The following RNF19A variants were observed in gnomAD, a reference collection of about 807,000 sequenced individuals.
The protein encoded by RNF19A is ring finger protein 19A, RBR E3 ubiquitin protein ligase.
In RNF19A, 32 loss-of-function variants were observed where a neutral mutation model predicts 75.7. That is an observed-to-expected ratio of 0.42 (90% CI 0.32 to 0.57). The LOEUF (loss-of-function observed/expected upper bound fraction) is 0.57, where lower values mean the gene tolerates loss of function less well. RNF19A is among the 20% of genes least tolerant of loss of function. The pLI is 0.10. For missense variants in RNF19A, 782 were observed against 1,036.3 expected (o/e 0.75, Z 3.37); for synonymous variants, 335 against 345.2 (o/e 0.97, Z 0.33).
At chr8:100,294,703 G>A (rs181135760) in intron 1 of RNF19A, among the ~76,000 whole-genome samples, 16 of 152,170 alleles carry the variant, frequency 1.1e-4, no homozygotes, top group Admixed American at 1.0e-3. Flanking sequence ...AAAACATCTT[G>A]CAGTTTTCCA....
intron 1 of RNF19A, among the ~76,000 whole-genome samples, chr8:100,316,954 C>T (rs1362017218): frequency 2.0e-5 from 3 of 152,332 alleles, no homozygotes; most frequent in Admixed American, 2.0e-4. Context: ...AGAAATCGAG[C>T]GCAGCGCCGG....
chr8:100,264,060 T>C lies in RNF19A; in HGVS notation c.1442A>G (p.Asn481Ser). Residue 481 changes from asparagine to serine, a missense_variant, in exon 7 of 10, where the codon AAT (asparagine) becomes AGT (serine). Transcript: ENST00000341084. This position sits in a 1 kb window ranked among gnomAD's most constrained non-coding sequence, Gnocchi z 4.7. ...RIEFDDENDI[N>S]VGGTNTAVDT... ...TACAGCTGTGTTAGTTCCACCAACA[T>C]TTATATCATTTTCATCATCAAATTC... 6.2e-7 allele frequency: 1 copy of C among 1,613,744 alleles called. No individual in the cohort carries two copies. The highest frequency in any genetic ancestry group is 1.3e-5 in the African/African-American group (1 of 75,036).
rs761419050 is a variant in RNF19A at position 100,274,988 on chromosome 8, G to A, written c.848C>T (p.Ser283Leu). The change falls in exon 3 of 10, where the codon TCA (serine) becomes TTA (leucine). Residue 283 changes from serine to leucine, a missense_variant. Physicochemically the swap from Ser to Leu is moderately radical, Grantham distance 145. Coordinates refer to ENST00000341084, the MANE Select transcript of RNF19A (RefSeq NM_183419.4). Reference sequence around the variant, plus strand: ...AGACTCTTGACTATAACTAATGGATGAAGAACGTATAGTTCTCAAACGTAA... The same window carrying A: ...AGACTCTTGACTATAACTAATGGATAAAGAACGTATAGTTCTCAAACGTAA... ...QSLRLRTIRS[S>L]SISYSQESGA... The A allele has an allele frequency of 2.9e-5, 47 of 1,613,954 alleles. No homozygotes were observed. The highest frequency in any genetic ancestry group is 1.7e-5 in the Admixed American group (1 of 59,994).
chr8:100,304,896 ATTAAC>A, intron 1 of RNF19A, among the ~76,000 whole-genome samples: 1 of 152,322 alleles, frequency 6.6e-6, no homozygotes, highest in Non-Finnish European at 1.5e-5. Flanking sequence ...CAAAGGCATA[ATTAAC>A]TTATACTAAT....
intron 1 of RNF19A, among the ~76,000 whole-genome samples, chr8:100,308,477 T>C (rs565166952): frequency 6.6e-5 from 10 of 152,286 alleles, no homozygotes; most frequent in African/African-American, 2.2e-4. Context: ...TCAATTCAGA[T>C]AGTTCAGTCA....
At chr8:100,294,665 G>C (rs1234721438) in intron 1 of RNF19A, among the ~76,000 whole-genome samples, 1 of 152,022 alleles carries the variant, frequency 6.6e-6, no homozygotes, top group African/African-American at 2.4e-5. Flanking sequence ...CTTTTCTTTA[G>C]GGGGAAAGAT....
chr8:100,312,065 C>G (rs1649242533), upstream of RNF19A, among the ~76,000 whole-genome samples: 2 of 152,176 alleles, frequency 1.3e-5, no homozygotes, highest in African/African-American at 4.8e-5. Flanking sequence ...TTCATTCACC[C>G]AGACACAAGC....
rs957566991 is a variant in RNF19A at position 100,317,181 on chromosome 8, T to A, written c.-242-3809A>T. On this transcript the variant is annotated intron_variant, in intron 1 of 3. Coordinates refer to the RNF19A transcript ENST00000519527. The surrounding 1 kb of genome is among the most constrained non-coding windows in gnomAD (Gnocchi z 4.3). ...TCGCGCCTCTCCCTCCGCACCTCCCTGCAAGCTGAGGGAGTGGGCTCCAGC... is the reference window on the plus strand; with the variant it reads ...TCGCGCCTCTCCCTCCGCACCTCCCAGCAAGCTGAGGGAGTGGGCTCCAGC... 1.8e-5 allele frequency among the ~76,000 whole-genome samples: 2 copies of A among 108,560 alleles called. No individual in the cohort carries two copies. The highest frequency in any genetic ancestry group is 5.7e-5 in the African/African-American group (2 of 35,084). 71.2% of individuals were successfully genotyped at this position (108,560 alleles called of 152,430 possible). A position where few individuals can be genotyped will look rare whatever the true frequency, so the allele number is the denominator to read the frequency against.
At chr8:100,313,614 T>A (rs182812570), upstream of RNF19A, among the ~76,000 whole-genome samples, 116 of 152,216 alleles carry the variant, frequency 7.6e-4, no homozygotes, top group Non-Finnish European at 2.5e-4. Context: ...TGGTATGAAG[T>A]GTGATGAGAC....
At position 100,287,795 on chromosome 8, in the gene RNF19A, C is replaced by T. The variant is rs749044247; in HGVS notation, c.380G>A (p.Gly127Glu). ...GCACAAAGGGCACTCTATGAAGTCT[C>T]CAATTTGTTTGCTGATGGAAGTTAA... ...NGLTSISKQI[G>E]DFIECPLCLL... Residue 127 changes from glycine to glutamate, a missense_variant, in exon 2 of 10, where the codon GGA (glycine) becomes GAA (glutamate). By Grantham distance (98) the Gly-to-Glu change is moderately conservative (BLOSUM62 -2). Coordinates refer to ENST00000341084, the MANE Select transcript of RNF19A (RefSeq NM_183419.4). This position sits in a 1 kb window ranked among gnomAD's most constrained non-coding sequence, Gnocchi z 4.1. 1.9e-5 allele frequency: 30 copies of T among 1,614,116 alleles called. No homozygotes were observed. The highest frequency in any genetic ancestry group is 2.5e-5 in the Non-Finnish European group (29 of 1,180,008).
At chr8:100,272,207 C>A (rs1406860884) in intron 3 of RNF19A, among the ~76,000 whole-genome samples, 1 of 151,996 alleles carries the variant, frequency 6.6e-6, no homozygotes, top group Non-Finnish European at 1.5e-5. Context: ...ACTCCAAGTG[C>A]CTAAACCTCC....
At chr8:100,309,155 G>T in intron 1 of RNF19A, 1 of 231,612 alleles carries the variant, frequency 4.3e-6, no homozygotes, top group Non-Finnish European at 7.1e-6. Context: ...GCCGGGCGAG[G>T]GCTGGGAACA....
chr8:100,299,566 C>A (rs1387892159), intron 1 of RNF19A, among the ~76,000 whole-genome samples: 2 of 152,164 alleles, frequency 1.3e-5, no homozygotes, highest in Non-Finnish European at 2.9e-5. Flanking sequence ...TCAAGACCAG[C>A]CTGGCCAACA....
At chr8:100,334,428 C>T (rs1170325913) in intron 1 of RNF19A, among the ~76,000 whole-genome samples, 2 of 152,218 alleles carry the variant, frequency 1.3e-5, no homozygotes, top group Non-Finnish European at 2.9e-5. Flanking sequence ...TTCTTTCCTC[C>T]TTTCCTCTGT....
At chr8:100,312,213 G>A (rs902177495), upstream of RNF19A, 2 of 152,228 alleles carry the variant, frequency 1.3e-5, no homozygotes, top group Non-Finnish European at 2.9e-5. Flanking sequence ...TTAGAGCAGT[G>A]TTTTCAAATT....
rs1281479537 is a variant in RNF19A at position 100,261,572 on chromosome 8, GAC to G, written c.1650_1651del (p.Ser551ArgfsTer9). Reference sequence around the variant, plus strand: ...AAAACAGTTTACCATGGCACTTCCTGACAGACTCCCCGTTATACTGGCTCCAG... The same window carrying G: ...AAAACAGTTTACCATGGCACTTCCTGAGACTCCCCGTTATACTGGCTCCAG... On this transcript the variant is annotated frameshift_variant, in exon 8 of 10. Transcript: ENST00000341084. LOFTEE classifies it high-confidence loss of function. The surrounding 1 kb of genome is among the most constrained non-coding windows in gnomAD (Gnocchi z 4.4). 1 of 1,613,988 alleles carries G rather than the reference GAC, an allele frequency of 6.2e-7. No homozygotes were observed. Among genetic ancestry groups the G allele is most frequent in the East Asian group, 2.2e-5 (1 of 44,878 alleles).
In RNF19A at chr8:100,324,158, G is replaced by C. The variant is rs1445189970; in HGVS notation, c.-242-10786C>G. On this transcript the variant is annotated intron_variant, in intron 1 of 3. Coordinates refer to the RNF19A transcript ENST00000519527. This position sits in a 1 kb window ranked among gnomAD's most constrained non-coding sequence, Gnocchi z 4.2. ...CTACTATAATTTATTTTTTACAGCGGAGGAAGCCCAATCTAGATTTATAAA... is the reference window on the plus strand; with the variant it reads ...CTACTATAATTTATTTTTTACAGCGCAGGAAGCCCAATCTAGATTTATAAA... Among the ~76,000 whole-genome samples the C allele has an allele frequency of 6.6e-6, 1 of 152,196 alleles. No homozygotes were observed.
At chr8:100,266,556 A>G (rs1019642270) in intron 5 of RNF19A, among the ~76,000 whole-genome samples, 8 of 152,090 alleles carry the variant, frequency 5.3e-5, no homozygotes, top group African/African-American at 1.9e-4. Context: ...TGTCGCTCAG[A>G]CTAGAGTGCA....
chr8:100,309,310 A>G, intron 1 of RNF19A: 1 of 985,568 alleles, frequency 1.0e-6, no homozygotes, highest in Non-Finnish European at 1.2e-6. Flanking sequence ...TCCTCCGAAC[A>G]CAGCTCCCCT....
Sources: allele counts gnomAD v4.1 joint callset (sites outside exome capture counted in the v4.1 genomes callset), GRCh38; gene constraint gnomAD v4.1.1; non-coding constraint Gnocchi (gnomAD v3.1); transcripts MANE v1.5; gene names NCBI Gene and HGNC (gene_info 2026-07-23, HGNC 2026-07-21).